PRTG: variants seen among roughly 807,000 people sequenced by gnomAD.
PRTG encodes protogenin.
PRTG carries 67 observed loss-of-function variants against 122.5 expected under a neutral mutation model. The ratio of observed to expected loss-of-function variants is 0.55; its 90% CI spans 0.45 to 0.67. The LOEUF (loss-of-function observed/expected upper bound fraction) is 0.67, where lower values mean the gene tolerates loss of function less well. PRTG is among the 30% of genes least tolerant of loss of function. The pLI, the probability that PRTG is intolerant of heterozygous loss-of-function variation, is 0.00. For missense variants in PRTG, 1,435 were observed against 1,415.4 expected (o/e 1.01, Z -0.22); for synonymous variants, 554 against 501.1 (o/e 1.11, Z -1.41).
intron 11 of PRTG, among the ~76,000 whole-genome samples, chr15:55,661,647 C>G (rs190982520): frequency 6.6e-6 from 1 of 152,140 alleles, no homozygotes; most frequent in Non-Finnish European, 1.5e-5. Flanking sequence ...AATTTAGGTA[C>G]TAAAAAAAGT....
chr15:55,728,570 C>T (rs1595681443), intron 2 of PRTG, among the ~76,000 whole-genome samples: 1 of 152,082 alleles, frequency 6.6e-6, no homozygotes, highest in South Asian at 2.1e-4. Context: ...AATATAAATA[C>T]TTAGAAAACT....
intron 11 of PRTG, among the ~76,000 whole-genome samples, chr15:55,654,741 T>A (rs1420093218): frequency 6.6e-6 from 1 of 152,204 alleles, no homozygotes; most frequent in African/African-American, 2.4e-5. Context: ...AGAGAGCCTA[T>A]TCATGACAAC....
At chr15:55,639,992 C>T in intron 12 of PRTG, 164 bp from the exon 13 acceptor site, 1 of 980,732 alleles carries the variant, frequency 1.0e-6, no homozygotes, top group Non-Finnish European at 1.2e-6. Context: ...ACCTAAACAG[C>T]TCTTCCGTGA....
chr15:55,730,042 T>C (rs1441748597), intron 2 of PRTG, among the ~76,000 whole-genome samples: 2 of 152,214 alleles, frequency 1.3e-5, no homozygotes, highest in Non-Finnish European at 2.9e-5. Context: ...AATGGGTGTG[T>C]TGCACAAAAA....
intron 11 of PRTG, among the ~76,000 whole-genome samples, chr15:55,666,194 G>A (rs556521646): frequency 6.9e-4 from 105 of 152,300 alleles, no homozygotes; most frequent in African/African-American, 2.3e-3. Flanking sequence ...CTTTCTTCCC[G>A]GCTCACAGGT....
Position 55,660,887 on chromosome 15 carries a change from G to A in PRTG, c.2041+11558C>T, listed in dbSNP as rs147517177. 7.4e-3 allele frequency among the ~76,000 whole-genome samples: 1,129 copies of A among 152,296 alleles called. 14 individuals carry two copies. The highest frequency in any genetic ancestry group is 9.6e-3 in the Non-Finnish European group (654 of 68,030). On this transcript the variant is annotated intron_variant, in intron 11 of 19. Coordinates refer to ENST00000389286, the MANE Select transcript of PRTG (RefSeq NM_173814.6). ...GTATTAAATAGATCTGAGTATCTGAGTATCGTTATGTAATAAATTACGAAA... is the reference window on the plus strand; with the variant it reads ...GTATTAAATAGATCTGAGTATCTGAATATCGTTATGTAATAAATTACGAAA...
rs952090299 is a variant in PRTG, at chr15:55,613,188, A to G, written c.*6824T>C. On this transcript the variant is annotated 3_prime_UTR_variant, in exon 20 of 20. Coordinates refer to ENST00000389286, the MANE Select transcript of PRTG (RefSeq NM_173814.6). ...GTCAAGATTAGAACTTAGGTGCTCC[A>G]AAGCCTAACTTATACTTGTTCTGTT... 3 of 152,100 alleles carry G rather than the reference A, an allele frequency of 2.0e-5. No homozygotes were observed. The allele number at this position is 152,100 out of a possible 1,614,324, so 9.4% of individuals were successfully genotyped here. A position where few individuals can be genotyped will look rare whatever the true frequency, so the allele number is the denominator to read the frequency against.
intron 4 of PRTG, among the ~76,000 whole-genome samples, chr15:55,680,953 G>A (rs1025426997): frequency 6.6e-6 from 1 of 151,970 alleles, no homozygotes; most frequent in Non-Finnish European, 1.5e-5. Context: ...CAGTCTCTCT[G>A]GATTTGCCTA....
At chr15:55,660,634 C>T (rs2059404729) in intron 11 of PRTG, among the ~76,000 whole-genome samples, 1 of 152,122 alleles carries the variant, frequency 6.6e-6, no homozygotes, top group Admixed American at 6.5e-5. Flanking sequence ...TGTAAAAATA[C>T]CATTTGAAAG....
intron 11 of PRTG, among the ~76,000 whole-genome samples, chr15:55,648,436 T>C (rs2059335812): frequency 6.6e-6 from 1 of 152,182 alleles, no homozygotes; most frequent in South Asian, 2.1e-4. Context: ...TGTATCTCTG[T>C]GCAACACCTT....
At chr15:55,663,327 G>A (rs1006185627) in intron 11 of PRTG, among the ~76,000 whole-genome samples, 7 of 152,030 alleles carry the variant, frequency 4.6e-5, no homozygotes, top group Non-Finnish European at 7.4e-5. Flanking sequence ...TCAGTCTTCT[G>A]ATTTAATTTA....
At chr15:55,645,945 TG>T (rs1389431956) in intron 11 of PRTG, among the ~76,000 whole-genome samples, 4 of 152,204 alleles carry the variant, frequency 2.6e-5, no homozygotes, top group African/African-American at 9.6e-5. Context: ...AGGGAGAAGT[TG>T]GTTCTAGTTT....
In PRTG at chr15:55,620,000, C is replaced by T. The variant is rs370231526; in HGVS notation, c.*12G>A. ...TGCGGAATCTCCACCTGAATCACTG[C>T]CAGTGAAAGAATCAGAGGTTGGGGG... On this transcript the variant is annotated 3_prime_UTR_variant, in exon 20 of 20. Coordinates refer to ENST00000389286, the MANE Select transcript of PRTG (RefSeq NM_173814.6). 4.5e-5 allele frequency: 73 copies of T among 1,613,526 alleles called. 1 individual carries two copies. The East Asian group carries it at 9.4e-4, about 21-fold the overall frequency.
At chr15:55,708,148 TAAAAAAAAAAAAAAAAA>T (rs35216342) in intron 2 of PRTG, among the ~76,000 whole-genome samples, 27,960 of 70,922 alleles carry the variant, frequency 0.39, 3,950 homozygotes, top group East Asian at 0.68. Flanking sequence ...AGTAAGCTGG[TAAAAAAAAAAAAAAAAA>T]AAAAAAAAAA....
chr15:55,620,018 G>A lies in PRTG; in HGVS notation c.3447C>T (p.Asn1149=). The A allele has an allele frequency of 6.2e-7, 1 of 1,614,100 alleles. No individual in the cohort carries two copies. The highest frequency in any genetic ancestry group is 8.5e-7 in the Non-Finnish European group (1 of 1,179,978). The change falls in exon 20 of 20, where the codon AAC becomes AAT. Residue 1149 remains asparagine, a synonymous_variant. Transcript: ENST00000389286. ...LSSVISTTPP[N]L ...ATCACTGCCAGTGAAAGAATCAGAG[G>A]TTGGGGGGTGTGGTACTTATAACTG...
In PRTG at chr15:55,743,093, G is replaced by C; in HGVS notation, c.-162C>G. On this transcript the variant is annotated 5_prime_UTR_variant, in exon 1 of 20. Transcript: ENST00000389286. The stretch of plus-strand genomic sequence containing the variant: ...CGAGCGTCTCTGCGGCGGCGAGGCT[G>C]GTGCTCGGACGGCCGCTCGCGAGAA... 1 of 1,281,978 alleles carries C rather than the reference G, an allele frequency of 7.8e-7. No individual in the cohort carries two copies. The highest frequency in any genetic ancestry group is 2.6e-5 in the South Asian group (1 of 38,016). The allele number at this position is 1,281,978 out of a possible 1,614,324, so 79.4% of individuals were successfully genotyped here. A position where few individuals can be genotyped will look rare whatever the true frequency, so the allele number is the denominator to read the frequency against.
chr15:55,706,796 G>C (rs1269054053), intron 2 of PRTG, among the ~76,000 whole-genome samples: 2 of 151,988 alleles, frequency 1.3e-5, no homozygotes, highest in Non-Finnish European at 2.9e-5. Flanking sequence ...GAGGGAGAGC[G>C]AGGCAGGGTA....
At chr15:55,682,894 G>C (rs2059548810) in intron 3 of PRTG, among the ~76,000 whole-genome samples, 2 of 152,064 alleles carry the variant, frequency 1.3e-5, no homozygotes, top group South Asian at 4.1e-4. Flanking sequence ...CATATTCTGT[G>C]ATAGGAATAC....
At chr15:55,625,954 T>C (rs139363393) in intron 17 of PRTG, among the ~76,000 whole-genome samples, 311 of 152,242 alleles carry the variant, frequency 2.0e-3, no homozygotes, top group African/African-American at 7.3e-3. Context: ...GATCTCACTA[T>C]GTTGCTTAGG....
Sources: gnomAD v4.1 joint callset for allele counts (sites outside exome capture counted in the v4.1 genomes callset) on GRCh38, gnomAD v4.1.1 for gene constraint, MANE v1.5 for transcripts, NCBI Gene and HGNC (gene_info 2026-07-23, HGNC 2026-07-21) for gene names.